EDA: variants seen among roughly 807,000 people sequenced by gnomAD.
EDA encodes the protein ectodysplasin A.
EDA carries 2 observed loss-of-function variants against 23.6 expected under a neutral mutation model. The observed-to-expected ratio is 0.08, with a 90% CI of 0.03 to 0.27. The LOEUF (loss-of-function observed/expected upper bound fraction) is 0.27. Ranked by LOEUF, EDA falls within the 10% of genes least tolerant of loss-of-function variation. The pLI is 1.00. For missense variants in EDA, 229 were observed against 324.2 expected (o/e 0.71, Z 2.26); for synonymous variants, 131 against 132.0 (o/e 0.99, Z 0.05).
intron 1 of EDA, among the ~76,000 whole-genome samples, chrX:69,858,677 T>C (rs2017312074): frequency 8.9e-6 from 1 of 112,155 alleles, no homozygotes; most frequent in African/African-American, 3.2e-5. Context: ...TCAAGGATAT[T>C]GGCCTAAAGT....
chrX:69,930,376 T>G (rs2018581931), intron 1 of EDA, among the ~76,000 whole-genome samples: 1 of 111,041 alleles, frequency 9.0e-6, no homozygotes, highest in Non-Finnish European at 1.9e-5. Flanking sequence ...TGGGGAAATA[T>G]CAATGTAATT....
intron 1 of EDA, among the ~76,000 whole-genome samples, chrX:69,862,293 C>T (rs775114684): frequency 8.9e-6 from 1 of 111,843 alleles, no homozygotes; most frequent in Non-Finnish European, 1.9e-5. Context: ...GATGAAGACA[C>T]AGTAGTACCT....
At chrX:69,964,124 C>T (rs1387946139) in intron 2 of EDA, among the ~76,000 whole-genome samples, 1 of 111,217 alleles carries the variant, frequency 9.0e-6, no homozygotes, top group Non-Finnish European at 1.9e-5. Context: ...AATTGGTGAA[C>T]TCTAAGCCAG....
chrX:69,848,489 A>G (rs1284457616), intron 1 of EDA, among the ~76,000 whole-genome samples: 1 of 111,224 alleles, frequency 9.0e-6, no homozygotes, highest in Non-Finnish European at 1.9e-5. Flanking sequence ...TCATCCCACT[A>G]CCATTTTTTC....
In EDA at chrX:70,020,484, G is replaced by A. The variant is rs779244385; in HGVS notation, c.503-2734G>A. Among the ~76,000 whole-genome samples the A allele has an allele frequency of 5.0e-3, 549 of 110,181 alleles. 2 individuals are homozygous for A. The highest frequency in any genetic ancestry group is 0.017 in the African/African-American group (518 of 30,268). On this transcript the variant is annotated intron_variant, in intron 2 of 7. Coordinates refer to ENST00000374552, the MANE Select transcript of EDA (RefSeq NM_001399.5). ...TGAGACAGGAGAATGGCGTGAACCC[G>A]GGAGGCAGAGTTTGCAGTGAGCCAA...
At chrX:69,930,478 TAAAAA>T (rs200057809) in intron 1 of EDA, among the ~76,000 whole-genome samples, 5 of 103,771 alleles carry the variant, frequency 4.8e-5, no homozygotes, top group Non-Finnish European at 1.0e-4. Flanking sequence ...ATTCATGATT[TAAAAA>T]AAAAAAGAAA....
intron 1 of EDA, among the ~76,000 whole-genome samples, chrX:69,923,671 C>T (rs1342473949): frequency 9.0e-6 from 1 of 111,164 alleles, no homozygotes; most frequent in Non-Finnish European, 1.9e-5. Context: ...TGATTTATTC[C>T]TTTGGGTATA....
intron 3 of EDA, 24 bp from the exon 4 acceptor site, chrX:70,027,833 G>GT (rs1569404773): frequency 1.4e-6 from 1 of 691,715 alleles, no homozygotes; most frequent in African/African-American, 2.3e-5. Flanking sequence ...AAAAAAAAAA[G>GT]TAACACTGAA....
At chrX:69,661,746 G>A (rs1281620220) in intron 1 of EDA, among the ~76,000 whole-genome samples, 1 of 111,448 alleles carries the variant, frequency 9.0e-6, no homozygotes, top group Admixed American at 9.5e-5. Flanking sequence ...TTTGGTTACT[G>A]TAGCCTTGTA....
intron 1 of EDA, among the ~76,000 whole-genome samples, chrX:69,671,098 G>A (rs1343475361): frequency 9.0e-6 from 1 of 111,436 alleles, no homozygotes; most frequent in Non-Finnish European, 1.9e-5. Context: ...CTGAAGATGG[G>A]CCTGAGGGTG....
chrX:69,748,806 G>C (rs1273377668), intron 1 of EDA, among the ~76,000 whole-genome samples: 1 of 111,549 alleles, frequency 9.0e-6, no homozygotes, highest in Middle Eastern at 4.2e-3. Flanking sequence ...TTGTTTTGAT[G>C]ATAAAATATG....
intron 1 of EDA, among the ~76,000 whole-genome samples, chrX:69,934,181 A>G (rs1010544265): frequency 2.6e-4 from 29 of 112,094 alleles, no homozygotes; most frequent in African/African-American, 9.1e-4. Context: ...AATTCCAGAT[A>G]GTAGAGGTCT....
intron 1 of EDA, among the ~76,000 whole-genome samples, chrX:69,631,903 T>C (rs1215775173): frequency 2.7e-5 from 3 of 111,403 alleles, no homozygotes; most frequent in South Asian, 7.5e-4. Flanking sequence ...GACTTGGAAA[T>C]AGTAGAGTGG....
At chrX:69,793,674 A>G (rs907428163) in intron 1 of EDA, among the ~76,000 whole-genome samples, 16 of 99,837 alleles carry the variant, frequency 1.6e-4, no homozygotes, top group Non-Finnish European at 3.9e-5. Context: ...TCTTTTCTCT[A>G]CAAGCAAAGA....
At chrX:69,746,556 C>T (rs1180767540) in intron 1 of EDA, among the ~76,000 whole-genome samples, 1 of 110,827 alleles carries the variant, frequency 9.0e-6, no homozygotes, top group Non-Finnish European at 1.9e-5. Flanking sequence ...TTCCAGTATG[C>T]CCTTTTTCAG....
intron 1 of EDA, among the ~76,000 whole-genome samples, chrX:69,822,491 G>C (rs1270467515): frequency 9.0e-6 from 1 of 110,884 alleles, no homozygotes; most frequent in East Asian, 2.8e-4. Flanking sequence ...GGACAATATA[G>C]TACTTCCCTT....
intron 2 of EDA, among the ~76,000 whole-genome samples, chrX:70,008,574 A>G (rs1011740003): frequency 1.8e-5 from 2 of 111,638 alleles, no homozygotes; most frequent in African/African-American, 6.5e-5. Context: ...TTTTGCATCT[A>G]TATTCAAGAG....
chrX:70,005,350 G>A (rs2019789487), intron 2 of EDA, among the ~76,000 whole-genome samples: 1 of 110,178 alleles, frequency 9.1e-6, no homozygotes, highest in African/African-American at 3.3e-5. Context: ...TCAGAATCTT[G>A]GTTTACTTCC....
At position 70,016,515 on chromosome X, in the gene EDA, G is replaced by C. The variant is rs764707317; in HGVS notation, c.503-6703G>C. The stretch of plus-strand genomic sequence containing the variant: ...AAACAATTCTCAGCAAATTAAAAAA[G>C]AAAAACAGAAATCATACCAACCACA... On this transcript the variant is annotated intron_variant, in intron 2 of 7. Transcript: ENST00000374552. Among the ~76,000 whole-genome samples, 343 of 110,641 alleles carry C rather than the reference G, an allele frequency of 3.1e-3. 3 individuals are homozygous for C. The highest frequency in any genetic ancestry group is 0.011 in the African/African-American group (333 of 30,521).
Sources: allele counts gnomAD v4.1 joint callset (sites outside exome capture counted in the v4.1 genomes callset), GRCh38; gene constraint gnomAD v4.1.1; transcripts MANE v1.5; gene names NCBI Gene and HGNC (gene_info 2026-07-23, HGNC 2026-07-21).